MYO15A: variants seen among roughly 807,000 people sequenced by gnomAD.
MYO15A encodes myosin XVA, also known as unconventional myosin-XV.
In MYO15A, 308 loss-of-function variants were observed where a neutral mutation model predicts 394.6. That is an observed-to-expected ratio of 0.78 (90% confidence interval 0.71 to 0.86). The LOEUF is 0.86. Ranked by LOEUF, MYO15A falls within the 40% of genes least tolerant of loss-of-function variation. MYO15A has a pLI of 0.00. For synonymous variants in MYO15A, 1,957 were observed against 2,003.8 expected (o/e 0.98, Z 0.62); for missense variants, 4,606 against 4,799.1 (o/e 0.96, Z 1.19).
Position 18,120,264 on chromosome 17 carries a change from T to G in MYO15A, c.1464T>G (p.Phe488Leu). 1 of 1,611,936 alleles carries G rather than the reference T, an allele frequency of 6.2e-7. No individual in the cohort carries two copies. The highest frequency in any genetic ancestry group is 8.5e-7 in the Non-Finnish European group (1 of 1,179,566). ...TCCCGCGACCCCAGGTGAAGCTGTT[T>G]GGGAAGGAGAAGCTGGAGGTGCCCC... The part of the protein sequence containing the change: ...RLFPRPQVKL[F>L]GKEKLEVPLP... Residue 488 changes from phenylalanine to leucine, a missense_variant, in exon 2 of 66, where the codon TTT becomes TTG. Physicochemically the swap from Phe to Leu is conservative, Grantham distance 22 (BLOSUM62 0). This residue lies in a region of MYO15A where 1,830 missense variants were observed against 1,689.7 expected (regional missense o/e 1.08). Transcript: ENST00000647165.
Position 18,159,008 on chromosome 17 carries a change from C to G in MYO15A, c.9156+11C>G. The G allele has an allele frequency of 4.3e-6, 7 of 1,613,266 alleles. No homozygotes were observed. The African/African-American group carries it at 8.0e-5, about 18-fold the overall frequency. The stretch of plus-strand genomic sequence containing the variant: ...CTTTGCTTCACCAAGGTGTCCAGTC[C>G]CGGACCTCAGTTTCCCCATCTGTAA... On this transcript the variant is annotated intron_variant, in intron 53 of 65. Transcript: ENST00000647165.
At chr17:18,126,730 A>C (rs1270673515) in intron 5 of MYO15A, 61 bp from the exon 6 acceptor site, 1 of 1,566,016 alleles carries the variant, frequency 6.4e-7, no homozygotes, top group African/African-American at 1.4e-5. Flanking sequence ...CTCCCTGCCC[A>C]ATCCCTGGGA....
rs2046154326 is a variant in MYO15A, at chr17:18,131,130, G to C, written c.4039-109G>C. ...CCACCTCTGGTCATCTCTCATAAAG[G>C]GAGGTCCTTGGGAAGGCTCATGTCT... On this transcript the variant is annotated intron_variant, in intron 8 of 65. Transcript: ENST00000647165. 6 of 995,476 alleles carry C rather than the reference G, an allele frequency of 6.0e-6. No homozygotes were observed. In the Admixed American group the frequency reaches 6.1e-5, roughly 10 times the overall value. The allele number at this position is 995,476 out of a possible 1,614,324, so 61.7% of individuals were successfully genotyped here.
In MYO15A at chr17:18,147,198, C is replaced by A. The variant is rs887397011; in HGVS notation, c.6510-831C>A. 6.6e-6 allele frequency among the ~76,000 whole-genome samples: 1 copy of A among 152,164 alleles called. No homozygotes were observed. The highest frequency in any genetic ancestry group is 6.5e-5 in the Admixed American group (1 of 15,278). Reference sequence around the variant, plus strand: ...TGTCCCTCTCTGAACCTGTTTCTTCCCTATAATTTGGGGATGGCAACAGAA... The same window carrying A: ...TGTCCCTCTCTGAACCTGTTTCTTCACTATAATTTGGGGATGGCAACAGAA... On this transcript the variant is annotated intron_variant, in intron 30 of 65. Transcript: ENST00000647165. This position sits in a 1 kb window ranked among gnomAD's most constrained non-coding sequence, Gnocchi z 4.4.
rs59214589 is a variant in MYO15A at position 18,130,817 on chromosome 17, A to AGT, written c.4038+60_4038+61dup. On this transcript the variant is annotated splice_region_variant and intron_variant, in intron 8 of 65. Transcript: ENST00000647165. Reference sequence around the variant, plus strand: ...GACGCTCTTGAAGATAAAGGTACTCAGTGTGTGTGTGTGTGTGTGTGTGTG... The same window carrying AGT: ...GACGCTCTTGAAGATAAAGGTACTCAGTGTGTGTGTGTGTGTGTGTGTGTGTG... 0.059 allele frequency: 69,746 copies of AGT among 1,180,656 alleles called. 1,486 individuals carry two copies. The highest frequency in any genetic ancestry group is 0.11 in the African/African-American group (5,121 of 47,386). The allele number at this position is 1,180,656 out of a possible 1,614,324, so 73.1% of individuals were successfully genotyped here. A position where few individuals can be genotyped will look rare whatever the true frequency, so the allele number is the denominator to read the frequency against.
intron 7 of MYO15A, among the ~76,000 whole-genome samples, chr17:18,129,983 AG>A (rs1430235180): frequency 6.6e-6 from 1 of 152,004 alleles, no homozygotes; most frequent in Non-Finnish European, 1.5e-5. Flanking sequence ...AGGTTCAAGC[AG>A]TTCTCCTGCC....
chr17:18,154,440 A>T (rs1454626046), intron 44 of MYO15A, among the ~76,000 whole-genome samples: 1 of 151,926 alleles, frequency 6.6e-6, no homozygotes, highest in Admixed American at 6.6e-5. Flanking sequence ...AACCCTGTAA[A>T]CCCCCCTATA....
At chr17:18,125,602 G>A (rs2046021034) in intron 4 of MYO15A, 2 of 286,216 alleles carry the variant, frequency 7.0e-6, no homozygotes, top group African/African-American at 4.4e-5. Context: ...TACTTGGGAG[G>A]CTGAGGCAGG....
chr17:18,118,702 G>A lies in MYO15A; in HGVS notation c.-99G>A, dbSNP rs2045829797. Reference sequence around the variant, plus strand: ...TCTGCTCACAGCCCGAGGAGGCCGCGTGTCCAGCCGCGGGCAAGAGACAGA... The same window carrying A: ...TCTGCTCACAGCCCGAGGAGGCCGCATGTCCAGCCGCGGGCAAGAGACAGA... On this transcript the variant is annotated 5_prime_UTR_variant, in exon 2 of 66. In the 5' UTR this introduces an upstream ATG that the reference lacks. Coordinates refer to ENST00000647165, the MANE Select transcript of MYO15A (RefSeq NM_016239.4). The A allele has an allele frequency of 1.3e-5, 20 of 1,577,234 alleles. No individual in the cohort carries two copies. In the South Asian group the frequency reaches 2.0e-4, roughly 15 times the overall value.
chr17:18,176,541 C>CTTTTTTT (rs35105114), intron 65 of MYO15A: 9 of 93,458 alleles, frequency 9.6e-5, no homozygotes, highest in South Asian at 3.2e-4. Flanking sequence ...TTTTACTTTT[C>CTTTTTTT]TTTTTTTTTT....
Position 18,122,039 on chromosome 17 carries a change from G to C in MYO15A, c.3239G>C (p.Arg1080Pro), listed in dbSNP as rs376630473. Reference sequence around the variant, plus strand: ...AGGGCCACATGGCCACCATGGCACCGCTGGGGAACACTGCCCCAAGCCGCA... The same window carrying C: ...AGGGCCACATGGCCACCATGGCACCCCTGGGGAACACTGCCCCAAGCCGCA... Reference protein sequence around the residue: ...QTRATWPPWHRWGTLPQAAAP... With the variant: ...QTRATWPPWHPWGTLPQAAAP... Residue 1080 changes from arginine to proline, a missense_variant, in exon 2 of 66, where the codon CGC becomes CCC. By Grantham distance (103) the Arg-to-Pro change is moderately radical. This residue lies in a region of MYO15A where 1,830 missense variants were observed against 1,689.7 expected (regional missense o/e 1.08). Coordinates refer to ENST00000647165, the MANE Select transcript of MYO15A (RefSeq NM_016239.4). 3 of 1,612,882 alleles carry C rather than the reference G, an allele frequency of 1.9e-6. No individual in the cohort carries two copies. Among genetic ancestry groups the C allele is most frequent in the African/African-American group, 2.7e-5 (2 of 74,936 alleles).
rs377472959 is a variant in MYO15A, at chr17:18,125,244, G to A, written c.3756+13G>A. The A allele has an allele frequency of 1.5e-5, 24 of 1,613,690 alleles. No homozygotes were observed. The African/African-American group carries it at 3.1e-4, about 21-fold the overall frequency. On this transcript the variant is annotated intron_variant, in intron 4 of 65. Transcript: ENST00000647165. ...GAACCTCATCTACGTAAGGCCTGGG[G>A]CTGGCCCTGCCCTGGGCCTAGGTCA... is the stretch of plus-strand genomic sequence containing the variant.
intron 65 of MYO15A, chr17:18,177,217 C>A (rs1174864660): frequency 6.6e-6 from 1 of 152,214 alleles, no homozygotes; most frequent in East Asian, 1.9e-4. Flanking sequence ...CTCTGGCCCT[C>A]ACAGAGCCTC....
chr17:18,163,846 C>A lies in MYO15A; in HGVS notation c.9787+8C>A. The A allele has an allele frequency of 2.5e-6, 4 of 1,611,960 alleles. No homozygotes were observed. The highest frequency in any genetic ancestry group is 3.4e-6 in the Non-Finnish European group (4 of 1,178,712). On this transcript the variant is annotated splice_region_variant and intron_variant, in intron 60 of 65. Transcript: ENST00000647165. ...TCGTTGTCACCAACCGTGGTGAGTG[C>A]CAGGAAGACTGAGCATGCTGGGCCC...
chr17:18,158,131 A>AAG, intron 51 of MYO15A, among the ~76,000 whole-genome samples: 1 of 152,032 alleles, frequency 6.6e-6, no homozygotes, highest in East Asian at 1.9e-4. Context: ...GGGAAGGATG[A>AAG]AGATCAGCTG....
intron 1 of MYO15A, among the ~76,000 whole-genome samples, chr17:18,112,562 C>T (rs1218664557): frequency 6.6e-6 from 1 of 152,150 alleles, no homozygotes; most frequent in Non-Finnish European, 1.5e-5. Context: ...TGTGCACCAC[C>T]ATGTTCGGCT....
At chr17:18,126,151 G>T (rs996673571) in intron 4 of MYO15A, among the ~76,000 whole-genome samples, 196 bp from the exon 5 acceptor site, 2 of 152,254 alleles carry the variant, frequency 1.3e-5, no homozygotes, top group Non-Finnish European at 2.9e-5. Context: ...AGCTCAGCCT[G>T]GTGCAGTGCC....
intron 61 of MYO15A, among the ~76,000 whole-genome samples, chr17:18,167,259 C>T (rs942949808): frequency 5.3e-5 from 8 of 152,140 alleles, no homozygotes; most frequent in African/African-American, 1.9e-4. Context: ...CAAGCCCTCC[C>T]GTGGCTCAGG....
intron 1 of MYO15A, among the ~76,000 whole-genome samples, chr17:18,116,300 G>T (rs2045783408): frequency 6.6e-6 from 1 of 152,230 alleles, no homozygotes; most frequent in South Asian, 2.1e-4. Context: ...GCACGACTAT[G>T]CTCCTGGCTC....
Sources: gnomAD v4.1 joint callset for allele counts (sites outside exome capture counted in the v4.1 genomes callset) on GRCh38, gnomAD v4.1.1 for gene constraint, gnomAD v4.1.1 regional missense constraint, Gnocchi (gnomAD v3.1) non-coding constraint, MANE v1.5 for transcripts, NCBI Gene and HGNC (gene_info 2026-07-23, HGNC 2026-07-21) for gene names.